Variants in CSMD1 observed in about 807,000 individuals in gnomAD.
CSMD1 encodes the protein CUB and Sushi multiple domains 1, also known as CUB and sushi domain-containing protein 1.
In CSMD1, 213 loss-of-function variants were observed where a neutral mutation model predicts 417.5. That is an observed-to-expected ratio of 0.51 (90% CI 0.46 to 0.57). The LOEUF (loss-of-function observed/expected upper bound fraction) is 0.57. Ranked by LOEUF, CSMD1 falls within the 20% of genes least tolerant of loss-of-function variation. The pLI, the probability that CSMD1 is intolerant of heterozygous loss-of-function variation, is 0.00. For synonymous variants in CSMD1, 2,862 were observed against 1,736.8 expected, an observed-to-expected ratio of 1.65 and a Z score of -16.11; for missense variants, 6,923 against 4,529.7, an observed-to-expected ratio of 1.53 and a Z score of -15.17.
intron 5 of CSMD1, among the ~76,000 whole-genome samples, chr8:3,940,025 C>T (rs1367739916): frequency 6.6e-6 from 1 of 151,910 alleles, no homozygotes; most frequent in Non-Finnish European, 1.5e-5. Flanking sequence ...AAAATAAATC[C>T]ATGTTTTAAA....
At chr8:3,947,938 T>A (rs539662270) in intron 5 of CSMD1, among the ~76,000 whole-genome samples, 1 of 152,240 alleles carries the variant, frequency 6.6e-6, no homozygotes, top group Admixed American at 6.5e-5. Flanking sequence ...GGGGGTGGCG[T>A]CTCATGCCTG....
intron 3 of CSMD1, among the ~76,000 whole-genome samples, chr8:4,236,697 T>A (rs1802086954): frequency 6.6e-6 from 1 of 152,208 alleles, no homozygotes; most frequent in Non-Finnish European, 1.5e-5. Flanking sequence ...TTTGGTCCCT[T>A]CATCTGTAAA....
chr8:3,399,743 T>G (rs1281788610), intron 15 of CSMD1, among the ~76,000 whole-genome samples: 1 of 152,226 alleles, frequency 6.6e-6, no homozygotes, highest in Non-Finnish European at 1.5e-5. Flanking sequence ...TGAAGCAAAG[T>G]TCTTTTTCTC....
chr8:4,337,178 G>C lies in CSMD1; in HGVS notation c.415+82775C>G, dbSNP rs558753742. On this transcript the variant is annotated intron_variant, in intron 3 of 69. Coordinates refer to ENST00000635120, the MANE Select transcript of CSMD1 (RefSeq NM_033225.6). ...TACTACTCTATCTATACCTCTGTTT[G>C]CAACAGTGTTATCTCAAAAGGGGAG... Among the ~76,000 whole-genome samples the C allele has an allele frequency of 5.3e-5, 8 of 152,174 alleles. No homozygotes were observed. The South Asian group carries it at 1.7e-3, about 32-fold the overall frequency.
chr8:3,698,111 G>C (rs1320553405), intron 7 of CSMD1, among the ~76,000 whole-genome samples: 4 of 152,046 alleles, frequency 2.6e-5, no homozygotes, highest in African/African-American at 7.2e-5. Context: ...GAAACATCTT[G>C]TTTTGCTTCT....
chr8:2,994,758 A>T (rs1369762882), intron 54 of CSMD1, among the ~76,000 whole-genome samples: 1 of 152,122 alleles, frequency 6.6e-6, no homozygotes, highest in African/African-American at 2.4e-5. Flanking sequence ...TCAATTTTTA[A>T]TTTTTTTATT....
At chr8:4,458,789 A>AGG (rs1799638069) in intron 2 of CSMD1, among the ~76,000 whole-genome samples, 1 of 151,846 alleles carries the variant, frequency 6.6e-6, no homozygotes, top group Non-Finnish European at 1.5e-5. Flanking sequence ...GGTTAGGAAT[A>AGG]TTTAATTTTT....
intron 7 of CSMD1, among the ~76,000 whole-genome samples, chr8:3,620,960 G>A (rs954455706): frequency 1.3e-5 from 2 of 152,156 alleles, no homozygotes; most frequent in African/African-American, 4.8e-5. Context: ...AGACTTTAAA[G>A]AGGTAATTAA....
At chr8:3,714,824 A>C (rs1376219244) in intron 6 of CSMD1, among the ~76,000 whole-genome samples, 1 of 152,112 alleles carries the variant, frequency 6.6e-6, no homozygotes, top group Middle Eastern at 3.2e-3. Context: ...TTGCAAGATA[A>C]AAATTAAACT....
At chr8:3,181,338 T>A in intron 36 of CSMD1, 124 bp from the exon 37 acceptor site, 1 of 669,870 alleles carries the variant, frequency 1.5e-6, no homozygotes, top group Non-Finnish European at 2.6e-6. Flanking sequence ...ACCAGATATT[T>A]AATCTGAGTG....
chr8:3,274,183 G>C (rs1218756841), intron 26 of CSMD1, among the ~76,000 whole-genome samples: 1 of 151,392 alleles, frequency 6.6e-6, no homozygotes, highest in African/African-American at 2.4e-5. Flanking sequence ...ATTTCGTTAT[G>C]TACCCAGTAG....
chr8:3,449,492 C>G (rs11780781), intron 12 of CSMD1, among the ~76,000 whole-genome samples: 107,919 of 151,752 alleles, frequency 0.71, 38,656 homozygotes, highest in African/African-American at 0.81. Context: ...TGGTGAAGAA[C>G]AAAATGAACA....
intron 12 of CSMD1, among the ~76,000 whole-genome samples, chr8:3,412,244 G>A (rs1390026500): frequency 6.6e-6 from 1 of 150,814 alleles, no homozygotes; most frequent in Non-Finnish European, 1.5e-5. Flanking sequence ...ATTGATTGAT[G>A]GGCATTTGGG....
chr8:4,139,623 A>T (rs907041110), intron 3 of CSMD1, among the ~76,000 whole-genome samples: 12 of 151,184 alleles, frequency 7.9e-5, no homozygotes, highest in Non-Finnish European at 1.6e-4. Context: ...GAGGAAGGGC[A>T]TTTGGAATAG....
At chr8:4,582,927 T>C (rs1277632187) in intron 2 of CSMD1, among the ~76,000 whole-genome samples, 3 of 152,286 alleles carry the variant, frequency 2.0e-5, no homozygotes, top group Admixed American at 2.0e-4. Flanking sequence ...TCGGAGCAGC[T>C]GGCCGGCCCT....
chr8:4,169,967 A>G (rs1270381168), intron 3 of CSMD1, among the ~76,000 whole-genome samples: 1 of 150,580 alleles, frequency 6.6e-6, no homozygotes, highest in Non-Finnish European at 1.5e-5. Flanking sequence ...TTTCCTCCAT[A>G]CTGTATCCTT....
chr8:3,285,506 C>A (rs1483490677), intron 25 of CSMD1, among the ~76,000 whole-genome samples: 2 of 151,804 alleles, frequency 1.3e-5, no homozygotes, highest in Admixed American at 6.6e-5. Flanking sequence ...CCTGCCTCAG[C>A]CTCCCAAGAA....
chr8:3,885,365 G>C (rs555760383), intron 5 of CSMD1, among the ~76,000 whole-genome samples: 1 of 152,032 alleles, frequency 6.6e-6, no homozygotes, highest in Non-Finnish European at 1.5e-5. Context: ...ACGGTTAAAC[G>C]AAAATATAAA....
In CSMD1 at chr8:3,284,229, G is replaced by A. The variant is rs922417964; in HGVS notation, c.4068C>T (p.Asp1356=). Residue 1356 remains aspartate (D), a synonymous_variant, in exon 26 of 70, where the codon GAC becomes GAT. Transcript: ENST00000635120. Reference sequence around the variant, plus strand: ...TGAGTGAGTTGAAGGTGCTGTGGATGTCCTCCGGAAGGGCGGAGCCACTCC... The same window carrying A: ...TGAGTGAGTTGAAGGTGCTGTGGATATCCTCCGGAAGGGCGGAGCCACTCC... The part of the protein sequence containing the change: ...KEWSGSALPE[D]IHSTFNSLTL... The A allele has an allele frequency of 6.2e-7, 1 of 1,612,864 alleles. No homozygotes were observed. Among genetic ancestry groups the A allele is most frequent in the Non-Finnish European group, 8.5e-7 (1 of 1,179,538 alleles).
Sources: allele counts gnomAD v4.1 joint callset (sites outside exome capture counted in the v4.1 genomes callset), GRCh38; gene constraint gnomAD v4.1.1; transcripts MANE v1.5; gene names NCBI Gene and HGNC (gene_info 2026-07-23, HGNC 2026-07-21).